The following TOP2B variants were observed in gnomAD, a reference collection of about 807,000 sequenced individuals.
TOP2B encodes the protein DNA topoisomerase II beta, also known as DNA topoisomerase 2-beta.
TOP2B carries 51 observed loss-of-function variants against 193.5 expected under a neutral mutation model. The observed-to-expected ratio is 0.26, with a 90% CI of 0.21 to 0.33. TOP2B has a LOEUF of 0.33. Ranked by LOEUF, TOP2B falls within the 10% of genes least tolerant of loss-of-function variation. The pLI, the probability that TOP2B is intolerant of heterozygous loss-of-function variation, is 1.00. For missense variants in TOP2B, 1,378 were observed against 1,909.3 expected, an observed-to-expected ratio of 0.72 and a Z score of 5.19; for synonymous variants, 634 against 635.7, an observed-to-expected ratio of 1.00 and a Z score of 0.04.
chr3:25,662,787 G>C (rs1395825060), intron 1 of TOP2B, among the ~76,000 whole-genome samples: 3 of 152,188 alleles, frequency 2.0e-5, no homozygotes, highest in Admixed American at 2.0e-4. Flanking sequence ...GTCTTCAGAG[G>C]AAACACCGAT....
At chr3:25,631,243 C>T (rs1404552244) in intron 10 of TOP2B, among the ~76,000 whole-genome samples, 1 of 151,922 alleles carries the variant, frequency 6.6e-6, no homozygotes, top group Non-Finnish European at 1.5e-5. Context: ...AAAATTAACA[C>T]AGTGAAAACA....
In TOP2B at chr3:25,615,277, G is replaced by A; in HGVS notation, c.3519C>T (p.Val1173=). Residue 1173 remains valine (V), a synonymous_variant, in exon 27 of 36, where the codon GTC becomes GTT. Transcript: ENST00000264331. ...IKQRDAKGRE[V]NDLKRKSPSD... ...AAGGAGATTTTCTTTTAAGATCATT[G>A]ACCTCTCGCCCCTATAATAAAAAAG... is the stretch of plus-strand genomic sequence containing the variant. 1 of 1,611,526 alleles carries A rather than the reference G, an allele frequency of 6.2e-7. No individual in the cohort carries two copies. The highest frequency in any genetic ancestry group is 1.1e-5 in the South Asian group (1 of 90,852).
chr3:25,620,587 C>T (rs1312117429), intron 22 of TOP2B, 95 bp downstream of exon 22: 16 of 1,343,068 alleles, frequency 1.2e-5, no homozygotes, highest in Non-Finnish European at 1.3e-5. Flanking sequence ...TAACACTACG[C>T]ACGCTTAGGA....
At chr3:25,616,413 G>GAAA (rs11455813) in intron 25 of TOP2B, among the ~76,000 whole-genome samples, 3 of 114,054 alleles carry the variant, frequency 2.6e-5, no homozygotes, top group African/African-American at 6.2e-5. Flanking sequence ...ACCAAAAGAG[G>GAAA]AAAAAAAAAA....
chr3:25,600,541 A>T (rs1011463176), intron 34 of TOP2B, among the ~76,000 whole-genome samples: 32 of 152,318 alleles, frequency 2.1e-4, no homozygotes, highest in African/African-American at 7.7e-4. Context: ...GATATCCTTC[A>T]GTTGAATAAA....
At chr3:25,612,133 G>A (rs188797466) in intron 28 of TOP2B, among the ~76,000 whole-genome samples, 3 of 151,782 alleles carry the variant, frequency 2.0e-5, no homozygotes, top group Admixed American at 6.6e-5. Context: ...TAGTAGAGAC[G>A]GGGTTTCACC....
intron 1 of TOP2B, among the ~76,000 whole-genome samples, chr3:25,646,892 A>G (rs1203125748): frequency 6.6e-6 from 1 of 152,226 alleles, no homozygotes; most frequent in Non-Finnish European, 1.5e-5. Context: ...TAAGTTTTAT[A>G]TACAATTAAA....
intron 1 of TOP2B, 73 bp downstream of exon 1, chr3:25,664,156 G>A: frequency 2.3e-6 from 2 of 871,190 alleles, no homozygotes; most frequent in Non-Finnish European, 3.4e-6. Flanking sequence ...CCCCTCCCCC[G>A]CCCGTTCGGA....
chr3:25,630,505 T>G (rs776528505), intron 11 of TOP2B, 36 bp from the exon 12 acceptor site: 7 of 1,471,546 alleles, frequency 4.8e-6, no homozygotes, highest in Non-Finnish European at 6.4e-6. Context: ...AGTAAAAATT[T>G]CTCATACTTT....
intron 33 of TOP2B, among the ~76,000 whole-genome samples, chr3:25,603,884 G>C (rs1702172023): frequency 6.6e-6 from 1 of 152,196 alleles, no homozygotes; most frequent in Non-Finnish European, 1.5e-5. Flanking sequence ...GGAGCAGGGG[G>C]GTGTTAATAT....
At chr3:25,661,411 C>T (rs537078592) in intron 1 of TOP2B, among the ~76,000 whole-genome samples, 2 of 152,172 alleles carry the variant, frequency 1.3e-5, no homozygotes, top group South Asian at 4.1e-4. Context: ...TTTAATCTAC[C>T]AAGTTAGAAT....
rs1702446800 is a variant in TOP2B at position 25,614,112 on chromosome 3, GTT to G, written c.3591+1091_3591+1092del. 3.9e-5 allele frequency among the ~76,000 whole-genome samples: 6 copies of G among 152,214 alleles called. No individual in the cohort carries two copies. The South Asian group carries it at 1.0e-3, about 26-fold the overall frequency. On this transcript the variant is annotated intron_variant, in intron 27 of 35. Transcript: ENST00000264331. ...ATAAATACATCCAGAATTTAAATAAGTTGTTTGGACCTATTTCATTAATTGTC... is the reference window on the plus strand; with the variant it reads ...ATAAATACATCCAGAATTTAAATAAGGTTTGGACCTATTTCATTAATTGTC...
chr3:25,612,640 CAACTTT>C lies in TOP2B; in HGVS notation c.3655_3660del (p.Lys1219_Val1220del). ...TGGAGTTTCTTCACCTTAGGTTTGC[CAACTTT>C]ACCTTTAATTGCTTTTCCAGACATT... On this transcript the variant is annotated inframe_deletion, in exon 28 of 36. Coordinates refer to ENST00000264331, the MANE Select transcript of TOP2B (RefSeq NM_001330700.2). The C allele has an allele frequency of 6.2e-7, 1 of 1,613,658 alleles. No homozygotes were observed.
intron 27 of TOP2B, 90 bp from the exon 28 acceptor site, chr3:25,612,799 C>T: frequency 2.1e-6 from 2 of 952,096 alleles, no homozygotes; most frequent in Non-Finnish European, 3.2e-6. Flanking sequence ...AAATGTTATT[C>T]ACTCAGTAAA....
intron 15 of TOP2B, among the ~76,000 whole-genome samples, 195 bp downstream of exon 15, chr3:25,628,652 T>G (rs183028770): frequency 6.6e-6 from 1 of 151,966 alleles, no homozygotes; most frequent in African/African-American, 2.4e-5. Flanking sequence ...GACTAGCCAT[T>G]GAAATGGTGA....
chr3:25,622,781 C>T (rs992852979), intron 21 of TOP2B, among the ~76,000 whole-genome samples: 4 of 152,068 alleles, frequency 2.6e-5, no homozygotes, highest in African/African-American at 9.7e-5. Context: ...GCTGGGATTA[C>T]AGGTGCCCTC....
intron 1 of TOP2B, among the ~76,000 whole-genome samples, chr3:25,652,563 C>T (rs1030339949): frequency 6.6e-6 from 1 of 152,200 alleles, no homozygotes; most frequent in Admixed American, 6.5e-5. Flanking sequence ...AAACAACTCA[C>T]TCTCATATAA....
chr3:25,603,047 A>C (rs1276367004), intron 33 of TOP2B, among the ~76,000 whole-genome samples: 4 of 152,196 alleles, frequency 2.6e-5, no homozygotes, highest in Admixed American at 2.0e-4. Flanking sequence ...CAGCTACTGA[A>C]GAAGGAAGCA....
intron 2 of TOP2B, among the ~76,000 whole-genome samples, chr3:25,644,091 A>G (rs1216898637): frequency 2.6e-5 from 4 of 151,412 alleles, no homozygotes; most frequent in Admixed American, 6.6e-5. Flanking sequence ...TAAATAATGG[A>G]AAATTAATGC....
Sources: gnomAD v4.1 joint callset for allele counts (sites outside exome capture counted in the v4.1 genomes callset) on GRCh38, gnomAD v4.1.1 for gene constraint, MANE v1.5 for transcripts, NCBI Gene and HGNC (gene_info 2026-07-23, HGNC 2026-07-21) for gene names.